TAF15: variants seen among roughly 807,000 people sequenced by gnomAD.
TAF15 encodes the protein TATA-box binding protein associated factor 15.
A neutral mutation model predicts 102.5 loss-of-function variants in TAF15; 37 were observed. The observed-to-expected ratio is 0.36, with a 90% confidence interval of 0.28 to 0.47. The LOEUF is 0.47. Ranked by LOEUF, TAF15 falls within the 20% of genes least tolerant of loss-of-function variation. TAF15 has a pLI of 0.99. For synonymous variants in TAF15, 273 were observed against 259.2 expected (o/e 1.05, Z -0.51); for missense variants, 652 against 760.7 (o/e 0.86, Z 1.68).
intron 15 of TAF15, 38 bp downstream of exon 15, chr17:35,845,076 A>G (rs377411756): frequency 1.3e-4 from 215 of 1,611,886 alleles, no homozygotes; most frequent in Non-Finnish European, 1.7e-4. Context: ...TTTTTACCTC[A>G]CTGCACCTAG....
At position 35,846,770 on chromosome 17, in the gene TAF15, G is replaced by A. The variant is rs2087627946; in HGVS notation, c.1740-136G>A. On this transcript the variant is annotated intron_variant, in intron 15 of 15. Coordinates refer to ENST00000605844, the MANE Select transcript of TAF15 (RefSeq NM_139215.3). ...CATTTAAGTATCTTCTAGGAGTACA[G>A]AAATAAATGAGGCATGGTGTCATTC... The A allele has an allele frequency of 3.4e-6, 3 of 886,032 alleles. No individual in the cohort carries two copies. The East Asian group carries it at 7.6e-5, about 22-fold the overall frequency. The allele number at this position is 886,032 out of a possible 1,614,324, so 54.9% of individuals were successfully genotyped here. A position where few individuals can be genotyped will look rare whatever the true frequency, so the allele number is the denominator to read the frequency against.
intron 7 of TAF15, among the ~76,000 whole-genome samples, chr17:35,824,780 A>C (rs549551918): frequency 6.6e-6 from 1 of 152,286 alleles, no homozygotes; most frequent in African/African-American, 2.4e-5. Context: ...AAGTTGTGTA[A>C]AGGAATGTCT....
At chr17:35,834,228 C>T in intron 8 of TAF15, 1 of 382,186 alleles carries the variant, frequency 2.6e-6, no homozygotes, top group Non-Finnish European at 4.6e-6. Flanking sequence ...TGGATTTTGA[C>T]AATTTGTTCT....
chr17:35,816,139 T>C (rs1322645749), intron 1 of TAF15, among the ~76,000 whole-genome samples: 5 of 152,184 alleles, frequency 3.3e-5, no homozygotes, highest in Admixed American at 6.5e-5. Context: ...CATTTACTAT[T>C]CTTAAGCATT....
At chr17:35,820,529 CTT>C (rs879823976) in intron 5 of TAF15, 92 bp downstream of exon 5, 742 of 953,324 alleles carry the variant, frequency 7.8e-4, no homozygotes, top group Non-Finnish European at 8.9e-4. Context: ...TAGCTTTAAA[CTT>C]TTTTTTTTTT....
Position 35,844,074 on chromosome 17 carries a change from T to A in TAF15, c.1007-3T>A, listed in dbSNP as rs777368476. The A allele has an allele frequency of 1.2e-6, 2 of 1,614,032 alleles. No homozygotes were observed. The highest frequency in any genetic ancestry group is 1.7e-6 in the Non-Finnish European group (2 of 1,179,900). On this transcript the variant is annotated splice_polypyrimidine_tract_variant and splice_region_variant and intron_variant, in intron 12 of 15. Coordinates refer to ENST00000605844, the MANE Select transcript of TAF15 (RefSeq NM_139215.3). ...TTTTTCTCCCCTGGCCCCATCCCCC[T>A]AGGCCGTGGAGGATATAGAGGTCGT...
intron 12 of TAF15, 34 bp from the exon 13 acceptor site, chr17:35,844,043 T>C (rs1027955704): frequency 1.3e-6 from 2 of 1,575,896 alleles, no homozygotes; most frequent in African/African-American, 1.3e-5. Flanking sequence ...TAATATCTGC[T>C]GCTGATTTTT....
rs1359998232 is a variant in TAF15, at chr17:35,822,788, C to G, written c.439C>G (p.Gln147Glu). The stretch of plus-strand genomic sequence containing the variant: ...GCATGATTCCTATAGTCAAAACCAG[C>G]AGTCCTATCATTCACAAAGGGAAAA... ...QQHDSYSQNQQSYHSQRENYS... is the reference protein window; with the variant it reads ...QQHDSYSQNQESYHSQRENYS... The change falls in exon 6 of 16, where the codon CAG (glutamine) becomes GAG (glutamate). Residue 147 changes from glutamine (Q) to glutamate (E), a missense_variant. Around this residue, in one of 3 missense-constraint regions of TAF15, gnomAD observed 243 missense variants for 284.1 expected, o/e 0.86. Coordinates refer to ENST00000605844, the MANE Select transcript of TAF15 (RefSeq NM_139215.3). 5 of 1,614,050 alleles carry G rather than the reference C, an allele frequency of 3.1e-6. No homozygotes were observed. The African/African-American group carries it at 6.7e-5, about 22-fold the overall frequency.
In TAF15 at chr17:35,844,962, G is replaced by C. The variant is rs1173401777; in HGVS notation, c.1663G>C (p.Gly555Arg). The change falls in exon 15 of 16, where the codon GGT becomes CGT. Residue 555 changes from glycine (G) to arginine (R), a missense_variant. Gly to Arg is a moderately radical substitution (Grantham distance 125). This residue lies in a region of TAF15 where 368 missense variants were observed against 367.5 expected (regional missense o/e 1.00). Transcript: ENST00000605844. Reference protein sequence around the residue: ...RSGGYGGDRSGGGYGGDRGGG... With the variant: ...RSGGYGGDRSRGGYGGDRGGG... ...TGGAGGCTATGGAGGAGACAGGAGT[G>C]GTGGCGGCTATGGAGGAGACCGAGG... 6.2e-7 allele frequency: 1 copy of C among 1,612,712 alleles called. No homozygotes were observed. Among genetic ancestry groups the C allele is most frequent in the Non-Finnish European group, 8.5e-7 (1 of 1,179,132 alleles).
intron 10 of TAF15, among the ~76,000 whole-genome samples, chr17:35,837,852 A>G (rs1003771204): frequency 2.0e-5 from 3 of 152,108 alleles, no homozygotes; most frequent in Non-Finnish European, 4.4e-5. Flanking sequence ...ATTTACATGA[A>G]GCATTATCTA....
In TAF15 at chr17:35,827,583, A is replaced by G. The variant is rs545787135; in HGVS notation, c.605+3385A>G. ...TAGCTGGACACGATGGTGGGTGCCTATAATCCCAGCTACTCGGGAGGCTGA... is the reference window on the plus strand; with the variant it reads ...TAGCTGGACACGATGGTGGGTGCCTGTAATCCCAGCTACTCGGGAGGCTGA... On this transcript the variant is annotated intron_variant, in intron 7 of 15. Coordinates refer to ENST00000605844, the MANE Select transcript of TAF15 (RefSeq NM_139215.3). Among the ~76,000 whole-genome samples the G allele has an allele frequency of 3.9e-5, 6 of 152,022 alleles. No homozygotes were observed. In the South Asian group the frequency reaches 1.0e-3, roughly 26 times the overall value.
At chr17:35,845,915 C>T (rs2087618526) in intron 15 of TAF15, among the ~76,000 whole-genome samples, 2 of 152,150 alleles carry the variant, frequency 1.3e-5, no homozygotes, top group African/African-American at 4.8e-5. Flanking sequence ...AGTTCCTAAT[C>T]TAAGTGAAGG....
chr17:35,841,140 T>C (rs2143822724), intron 11 of TAF15, among the ~76,000 whole-genome samples: 1 of 152,314 alleles, frequency 6.6e-6, no homozygotes, highest in Non-Finnish European at 1.5e-5. Context: ...TTTACTACTA[T>C]TTTTTAAAAA....
intron 6 of TAF15, among the ~76,000 whole-genome samples, chr17:35,823,046 A>G (rs954102623): frequency 3.3e-5 from 5 of 152,106 alleles, no homozygotes; most frequent in African/African-American, 1.2e-4. Flanking sequence ...TTGATGGCTG[A>G]TTACGTGAAT....
Position 35,820,020 on chromosome 17 carries a change from G to A in TAF15, c.48-4G>A. 1 of 1,613,562 alleles carries A rather than the reference G, an allele frequency of 6.2e-7. No homozygotes were observed. The highest frequency in any genetic ancestry group is 8.5e-7 in the Non-Finnish European group (1 of 1,179,682). Reference sequence around the variant, plus strand: ...CTTTCAAGTATTAAATTTTTCTTTTGCAGTTATTCTACCTATGGAAATCCA... The same window carrying A: ...CTTTCAAGTATTAAATTTTTCTTTTACAGTTATTCTACCTATGGAAATCCA... On this transcript the variant is annotated splice_region_variant and splice_polypyrimidine_tract_variant and intron_variant, in intron 2 of 15. Transcript: ENST00000605844.
chr17:35,809,811 C>G, intron 1 of TAF15: 1 of 613,100 alleles, frequency 1.6e-6, no homozygotes, highest in South Asian at 2.0e-5. Flanking sequence ...TTGACCCTGT[C>G]CTTGGAACCC....
intron 1 of TAF15, among the ~76,000 whole-genome samples, chr17:35,813,117 CAAAAAAAA>C (rs55754009): frequency 5.1e-5 from 3 of 58,938 alleles, no homozygotes; most frequent in Non-Finnish European, 7.8e-5. Context: ...GACTCTGTCT[CAAAAAAAA>C]AAAAAAAAAA....
rs923969422 is a variant in TAF15, at chr17:35,822,889, A to G, written c.484+56A>G. 3.8e-6 allele frequency: 6 copies of G among 1,594,718 alleles called. No homozygotes were observed. The Admixed American group carries it at 1.0e-4, about 27-fold the overall frequency. The stretch of plus-strand genomic sequence containing the variant: ...TCCCCCTCTCAGAATTATTTGTATG[A>G]ATTTCTGATTAAAAGAACCACAGAG... On this transcript the variant is annotated intron_variant, in intron 6 of 15. Coordinates refer to ENST00000605844, the MANE Select transcript of TAF15 (RefSeq NM_139215.3).
At chr17:35,829,795 G>A (rs961833200) in intron 7 of TAF15, among the ~76,000 whole-genome samples, 5 of 152,036 alleles carry the variant, frequency 3.3e-5, no homozygotes, top group Admixed American at 1.3e-4. Flanking sequence ...CCTTCGTGTG[G>A]GCTGCTCGTT....
Sources: gnomAD v4.1 joint callset for allele counts (sites outside exome capture counted in the v4.1 genomes callset) on GRCh38, gnomAD v4.1.1 for gene constraint, gnomAD v4.1.1 regional missense constraint, MANE v1.5 for transcripts, NCBI Gene and HGNC (gene_info 2026-07-23, HGNC 2026-07-21) for gene names.